Variants in GLIS1 observed in about 807,000 individuals in gnomAD.
GLIS1 encodes the protein GLIS family zinc finger 1.
A neutral mutation model predicts 63.8 loss-of-function variants in GLIS1; 24 were observed. The observed-to-expected ratio is 0.38, with a 90% CI of 0.27 to 0.53. The LOEUF is 0.53. GLIS1 is among the 20% of genes least tolerant of loss of function. GLIS1 has a pLI of 0.85. For synonymous variants in GLIS1, 450 were observed against 482.5 expected, an observed-to-expected ratio of 0.93 and a Z score of 0.88; for missense variants, 1,036 against 1,074.1, an observed-to-expected ratio of 0.96 and a Z score of 0.50.
intron 2 of GLIS1, among the ~76,000 whole-genome samples, chr1:53,630,169 G>T (rs1322075945): frequency 6.6e-6 from 1 of 152,022 alleles, no homozygotes; most frequent in East Asian, 1.9e-4. Context: ...TGTCACTAGG[G>T]GTTCTTCAAA....
intron 2 of GLIS1, among the ~76,000 whole-genome samples, chr1:53,672,161 T>C (rs1477685079): frequency 6.6e-6 from 1 of 152,116 alleles, no homozygotes; most frequent in Non-Finnish European, 1.5e-5. Context: ...GGTGCCAAAA[T>C]GGACCAGAAG....
Position 53,594,573 on chromosome 1 carries a change from C to T in GLIS1, c.855G>A (p.Thr285=), listed in dbSNP as rs755436648. 1.0e-5 allele frequency: 16 copies of T among 1,597,194 alleles called. No homozygotes were observed. Among genetic ancestry groups the T allele is most frequent in the South Asian group, 5.5e-5 (5 of 90,314 alleles). ...CVNGLRSPPL[T]GDLGGPSKRA... ...GCTTGGAAGGGCCCCCCAGATCTCC[C>T]GTCAGAGGGGGGCTCCGGAGTCCAT... is the stretch of plus-strand genomic sequence containing the variant. Residue 285 remains threonine (T), a synonymous_variant, in exon 4 of 11, where the codon ACG becomes ACA. Coordinates refer to ENST00000628545, the MANE Select transcript of GLIS1 (RefSeq NM_001367484.1).
chr1:53,619,689 A>G (rs1569931355), intron 2 of GLIS1, among the ~76,000 whole-genome samples: 1 of 152,030 alleles, frequency 6.6e-6, no homozygotes, highest in African/African-American at 2.4e-5. Flanking sequence ...CCTATACTCA[A>G]CCCGCCAGGC....
At chr1:53,509,013 C>T in intron 10 of GLIS1, 107 bp downstream of exon 10, 1 of 1,160,792 alleles carries the variant, frequency 8.6e-7, no homozygotes, top group South Asian at 1.7e-5. Context: ...GGGATGGCCC[C>T]ACCACATAAG....
intron 2 of GLIS1, among the ~76,000 whole-genome samples, chr1:53,628,957 C>T (rs914152860): frequency 7.2e-5 from 11 of 152,130 alleles, no homozygotes; most frequent in Admixed American, 2.0e-4. Context: ...CACATCAGAA[C>T]GACCTGGGGA....
At chr1:53,522,760 T>TA (rs1019627356) in intron 6 of GLIS1, among the ~76,000 whole-genome samples, 20 of 151,106 alleles carry the variant, frequency 1.3e-4, no homozygotes, top group Admixed American at 1.1e-3. Flanking sequence ...AAAAATATAT[T>TA]AAAAAAAAGC....
chr1:53,614,453 G>A (rs1645457925), intron 2 of GLIS1, among the ~76,000 whole-genome samples: 1 of 152,078 alleles, frequency 6.6e-6, no homozygotes, highest in Non-Finnish European at 1.5e-5. Flanking sequence ...GGTGTGGCTG[G>A]AGCCTAGCAA....
chr1:53,683,997 T>A (rs977522121), intron 2 of GLIS1, among the ~76,000 whole-genome samples: 4 of 152,138 alleles, frequency 2.6e-5, no homozygotes, highest in African/African-American at 7.2e-5. Flanking sequence ...TAGAGTGGAA[T>A]CTTTTCCCCA....
intron 2 of GLIS1, among the ~76,000 whole-genome samples, chr1:53,696,910 G>A (rs1335654251): frequency 1.3e-5 from 2 of 152,212 alleles, no homozygotes; most frequent in Non-Finnish European, 2.9e-5. Flanking sequence ...ACAGCCTCTC[G>A]AGATGGCCAC....
At chr1:53,633,343 GTGAA>G (rs1177873741) in intron 2 of GLIS1, among the ~76,000 whole-genome samples, 2 of 149,164 alleles carry the variant, frequency 1.3e-5, no homozygotes, top group Non-Finnish European at 3.0e-5. Context: ...TGAGGGGCGT[GTGAA>G]TGGCTGAGGG....
intron 2 of GLIS1, among the ~76,000 whole-genome samples, chr1:53,722,834 A>G (rs1646769544): frequency 2.0e-5 from 3 of 151,710 alleles, no homozygotes; most frequent in African/African-American, 7.3e-5. Flanking sequence ...CCGTCTCAAA[A>G]AAAAAAAAAA....
At chr1:53,626,420 T>C (rs928905107) in intron 2 of GLIS1, among the ~76,000 whole-genome samples, 2 of 152,172 alleles carry the variant, frequency 1.3e-5, no homozygotes, top group Non-Finnish European at 2.9e-5. Context: ...CCCTCTTCTG[T>C]GGCTCCTGTT....
At chr1:53,611,282 G>T (rs1645421826) in intron 2 of GLIS1, among the ~76,000 whole-genome samples, 1 of 152,142 alleles carries the variant, frequency 6.6e-6, no homozygotes, top group African/African-American at 2.4e-5. Context: ...TAGAGACAGG[G>T]TCTCAACAGT....
intron 6 of GLIS1, among the ~76,000 whole-genome samples, chr1:53,524,302 C>T (rs1644441561): frequency 1.3e-5 from 2 of 152,224 alleles, no homozygotes; most frequent in Non-Finnish European, 2.9e-5. Flanking sequence ...TGCTCCCACC[C>T]AGAGGGGCTA....
In GLIS1 at chr1:53,539,146, A is replaced by G. The variant is rs1378263569; in HGVS notation, c.1321-9194T>C. ...CCAAGCCACCAGCCACAGGCCCAGAAACGTGGACACTCACACACTCTGATG... is the reference window on the plus strand; with the variant it reads ...CCAAGCCACCAGCCACAGGCCCAGAGACGTGGACACTCACACACTCTGATG... On this transcript the variant is annotated intron_variant, in intron 4 of 10. Transcript: ENST00000628545. The surrounding 1 kb of genome is among the most constrained non-coding windows in gnomAD (Gnocchi z 5.0). Among the ~76,000 whole-genome samples, 1 of 151,838 alleles carries G rather than the reference A, an allele frequency of 6.6e-6. No individual in the cohort carries two copies. Among genetic ancestry groups the G allele is most frequent in the Non-Finnish European group, 1.5e-5 (1 of 67,948 alleles).
chr1:53,537,019 A>G (rs955285965), intron 4 of GLIS1, among the ~76,000 whole-genome samples: 31 of 152,246 alleles, frequency 2.0e-4, no homozygotes, highest in African/African-American at 7.5e-4. Flanking sequence ...AGTGACAGGC[A>G]GGGGAAAATC....
intron 2 of GLIS1, among the ~76,000 whole-genome samples, chr1:53,624,541 CT>C (rs370540667): frequency 5.4e-3 from 786 of 144,754 alleles, no homozygotes; most frequent in African/African-American, 7.2e-3. Context: ...TTTTAAATCT[CT>C]TTTTTTTTTT....
intron 4 of GLIS1, among the ~76,000 whole-genome samples, chr1:53,590,209 A>G (rs983430710): frequency 2.6e-5 from 4 of 152,142 alleles, no homozygotes; most frequent in African/African-American, 9.7e-5. Flanking sequence ...AAGTACTATT[A>G]TTACTCCATT....
At chr1:53,697,784 T>C (rs1646481437) in intron 2 of GLIS1, among the ~76,000 whole-genome samples, 1 of 152,210 alleles carries the variant, frequency 6.6e-6, no homozygotes, top group Non-Finnish European at 1.5e-5. Flanking sequence ...TAAGTGCTAC[T>C]ACACTTTTAC....
Sources: gnomAD v4.1 joint callset for allele counts (sites outside exome capture counted in the v4.1 genomes callset) on GRCh38, gnomAD v4.1.1 for gene constraint, Gnocchi (gnomAD v3.1) non-coding constraint, MANE v1.5 for transcripts, NCBI Gene and HGNC (gene_info 2026-07-23, HGNC 2026-07-21) for gene names.